SHTN1: variants seen among roughly 807,000 people sequenced by gnomAD.
The protein encoded by SHTN1 is shootin 1.
In SHTN1, 42 loss-of-function variants were observed where a neutral mutation model predicts 83.1. The ratio of observed to expected loss-of-function variants is 0.51; its 90% CI spans 0.39 to 0.65. The LOEUF is 0.65. Among genes scored for constraint, SHTN1 ranks in the 30% least tolerant of loss-of-function variants. SHTN1 has a pLI of 0.00. For missense variants in SHTN1, 622 were observed against 737.8 expected (o/e 0.84, Z 1.82); for synonymous variants, 224 against 247.7 (o/e 0.90, Z 0.90).
intron 1 of SHTN1, among the ~76,000 whole-genome samples, chr10:117,094,852 CTT>C (rs1232974158): frequency 1.3e-5 from 2 of 152,166 alleles, no homozygotes; most frequent in African/African-American, 4.8e-5. Context: ...ACAATTAACA[CTT>C]AATCTGAATC....
intron 11 of SHTN1, among the ~76,000 whole-genome samples, chr10:116,922,852 A>G (rs990839848): frequency 1.3e-5 from 2 of 152,106 alleles, no homozygotes; most frequent in Non-Finnish European, 2.9e-5. Context: ...CTGTAATCCC[A>G]GCTACTTGGG....
intron 14 of SHTN1, among the ~76,000 whole-genome samples, chr10:116,908,966 T>A (rs2627194): frequency 0.58 from 88,283 of 152,064 alleles, 29,220 homozygotes; most frequent in Non-Finnish European, 0.74. Flanking sequence ...AAAGAAAGGT[T>A]TCTGCATGAC....
intron 2 of SHTN1, among the ~76,000 whole-genome samples, chr10:117,040,367 T>A (rs1852565606): frequency 6.6e-6 from 1 of 152,146 alleles, no homozygotes; most frequent in Non-Finnish European, 1.5e-5. Context: ...GATCCATACA[T>A]AATAGTCAAC....
chr10:117,031,406 C>T (rs933765449), intron 2 of SHTN1, among the ~76,000 whole-genome samples: 23 of 152,138 alleles, frequency 1.5e-4, no homozygotes, highest in African/African-American at 5.6e-4. Flanking sequence ...AAGAAATCCT[C>T]TGAAGGTACA....
At chr10:117,015,223 C>T (rs1391600410) in intron 2 of SHTN1, among the ~76,000 whole-genome samples, 1 of 152,192 alleles carries the variant, frequency 6.6e-6, no homozygotes, top group African/African-American at 2.4e-5. Flanking sequence ...TTCTTTGCTA[C>T]TTTCTCAGCT....
At chr10:116,957,356 C>T (rs566379342) in intron 4 of SHTN1, among the ~76,000 whole-genome samples, 177 of 150,144 alleles carry the variant, frequency 1.2e-3, no homozygotes, top group African/African-American at 4.1e-3. Context: ...CTGGTTCAAG[C>T]GATTCTCCTG....
At chr10:117,037,998 CAAAAAAAAAA>C (rs71013632) in intron 2 of SHTN1, among the ~76,000 whole-genome samples, 4 of 75,486 alleles carry the variant, frequency 5.3e-5, no homozygotes, top group African/African-American at 2.2e-4. Flanking sequence ...AGCGAGACTT[CAAAAAAAAAA>C]AAAAAAAAAA....
intron 9 of SHTN1, among the ~76,000 whole-genome samples, chr10:116,933,590 C>G (rs917834882): frequency 6.6e-6 from 1 of 152,026 alleles, no homozygotes; most frequent in African/African-American, 2.4e-5. Flanking sequence ...GGGTTGGTTC[C>G]AAGTCTTTTC....
Position 116,886,472 on chromosome 10 carries a change from G to T in SHTN1, c.1768C>A (p.Pro590Thr), listed in dbSNP as rs750098990. The change falls in exon 17 of 17, where the codon CCC (proline) becomes ACC (threonine). Residue 590 changes from proline to threonine, a missense_variant. Physicochemically the swap from Pro to Thr is conservative, Grantham distance 38. Coordinates refer to ENST00000355371, the MANE Select transcript of SHTN1 (RefSeq NM_001127211.3). ...VVLDPVSTHE[P>T]QTKDQVAEKD... is the part of the protein sequence containing the mutation. ...TCAGCAACCTGGTCTTTGGTTTGGG[G>T]TTCATGTGTAGAAACAGGATCTAAA... The T allele has an allele frequency of 6.2e-7, 1 of 1,614,002 alleles. No homozygotes were observed. Among genetic ancestry groups the T allele is most frequent in the South Asian group, 1.1e-5 (1 of 91,054 alleles).
intron 1 of SHTN1, among the ~76,000 whole-genome samples, chr10:117,122,933 T>G (rs909657452): frequency 2.0e-5 from 3 of 152,214 alleles, no homozygotes; most frequent in African/African-American, 7.2e-5. Context: ...TGCCTCTGAC[T>G]CTTACAATTC....
chr10:117,061,054 G>T (rs547845176), intron 1 of SHTN1, among the ~76,000 whole-genome samples: 4 of 151,900 alleles, frequency 2.6e-5, no homozygotes, highest in African/African-American at 7.2e-5. Context: ...ACCTTTGCTG[G>T]CAATGTTCAT....
rs754644732 is a variant in SHTN1, at chr10:116,992,991, CAT to C, written c.58+12029_58+12030del. ...TTTTTGTCTGTATTTTTTATGTATA[CAT>C]GTTTTCTTTTCTTTCTTTTTTTTCT... On this transcript the variant is annotated intron_variant, in intron 1 of 16. Transcript: ENST00000355371. 4.0e-5 allele frequency among the ~76,000 whole-genome samples: 6 copies of C among 148,626 alleles called. No homozygotes were observed. In the South Asian group the frequency reaches 8.6e-4, roughly 21 times the overall value.
intron 1 of SHTN1, among the ~76,000 whole-genome samples, chr10:116,996,187 T>C (rs554244893): frequency 2.6e-5 from 4 of 152,334 alleles, no homozygotes; most frequent in East Asian, 1.9e-4. Context: ...AGAAAAATAA[T>C]AGTTCAGAAA....
At chr10:117,003,900 TA>T (rs1214268718) in intron 1 of SHTN1, among the ~76,000 whole-genome samples, 4 of 152,202 alleles carry the variant, frequency 2.6e-5, no homozygotes, top group African/African-American at 4.8e-5. Flanking sequence ...TTATTATTAT[TA>T]TTTTTTTTTG....
At chr10:116,968,297 G>A (rs1276586216) in intron 3 of SHTN1, among the ~76,000 whole-genome samples, 2 of 152,148 alleles carry the variant, frequency 1.3e-5, no homozygotes, top group African/African-American at 2.4e-5. Flanking sequence ...TTTAAAACAC[G>A]ATTACATTTT....
chr10:116,991,462 G>C (rs1004792001), intron 1 of SHTN1, among the ~76,000 whole-genome samples: 1 of 152,164 alleles, frequency 6.6e-6, no homozygotes. Flanking sequence ...GAAGGCGAAG[G>C]GGAACAAGCG....
chr10:116,946,532 G>C (rs1283245585), intron 7 of SHTN1, among the ~76,000 whole-genome samples: 1 of 124,906 alleles, frequency 8.0e-6, no homozygotes, highest in Admixed American at 8.7e-5. Flanking sequence ...TATATAAAAT[G>C]ATTTATATAT....
At chr10:116,952,873 CAG>C (rs1849824345) in intron 5 of SHTN1, among the ~76,000 whole-genome samples, 1 of 152,190 alleles carries the variant, frequency 6.6e-6, no homozygotes, top group Non-Finnish European at 1.5e-5. Context: ...GAGAAGTTCT[CAG>C]AGACTTATTT....
intron 2 of SHTN1, among the ~76,000 whole-genome samples, chr10:117,031,127 A>C (rs1206884171): frequency 6.6e-6 from 1 of 152,116 alleles, no homozygotes; most frequent in African/African-American, 2.4e-5. Flanking sequence ...AAGAGAAACA[A>C]ATAACATACA....
Sources: gnomAD v4.1 joint callset for allele counts (sites outside exome capture counted in the v4.1 genomes callset) on GRCh38, gnomAD v4.1.1 for gene constraint, MANE v1.5 for transcripts, NCBI Gene and HGNC (gene_info 2026-07-23, HGNC 2026-07-21) for gene names.